CEP250: variants seen among roughly 807,000 people sequenced by gnomAD.
The protein encoded by CEP250 is centrosome-associated protein CEP250.
Under a neutral mutation model 315.7 loss-of-function variants are expected in CEP250, and 242 were observed. The ratio of observed to expected loss-of-function variants is 0.77; its 90% confidence interval spans 0.69 to 0.85. The LOEUF (loss-of-function observed/expected upper bound fraction) is 0.85, where lower values mean the gene tolerates loss of function less well. Among genes scored for constraint, CEP250 ranks in the 40% least tolerant of loss-of-function variants. The pLI is 0.00. For missense variants in CEP250, 2,515 were observed against 2,886.4 expected (o/e 0.87, Z 2.95); for synonymous variants, 1,088 against 1,175.0 (o/e 0.93, Z 1.51).
In CEP250 at chr20:35,476,551, G is replaced by A; in HGVS notation, c.1819G>A (p.Ala607Thr). 2 of 1,613,980 alleles carry A rather than the reference G, an allele frequency of 1.2e-6. No individual in the cohort carries two copies. The change falls in exon 16 of 35, where the codon GCT (alanine) becomes ACT (threonine). Residue 607 changes from alanine to threonine, a missense_variant. Physicochemically the swap from Ala to Thr is moderately conservative, Grantham distance 58. Transcript: ENST00000397527. ...AAVKLSALNE[A>T]LALDKVGLNQ... is the part of the protein sequence containing the mutation. ...TGTCAAGCTCAGTGCCTTAAATGAG[G>A]CTTTGGCGTTAGATAAAGTTGGGCT...
At chr20:35,482,857 G>T (rs748609781) in intron 20 of CEP250, among the ~76,000 whole-genome samples, 9 of 152,230 alleles carry the variant, frequency 5.9e-5, no homozygotes, top group Non-Finnish European at 8.8e-5. Context: ...ACCACGCCTG[G>T]CAATTTCTTG....
chr20:35,494,506 A>G lies in CEP250; in HGVS notation c.3034-18A>G. 2 of 1,613,234 alleles carry G rather than the reference A, an allele frequency of 1.2e-6. No homozygotes were observed. Among genetic ancestry groups the G allele is most frequent in the Non-Finnish European group, 1.7e-6 (2 of 1,179,912 alleles). ...CCCCTGCCCTGCCATCTTGGTCTTCATGCCCTTAATTTTCCAGGTGGAGGA... is the reference window on the plus strand; with the variant it reads ...CCCCTGCCCTGCCATCTTGGTCTTCGTGCCCTTAATTTTCCAGGTGGAGGA... On this transcript the variant is annotated intron_variant, in intron 23 of 34. Transcript: ENST00000397527.
chr20:35,489,521 G>A (rs889086764), intron 20 of CEP250, among the ~76,000 whole-genome samples: 8 of 152,200 alleles, frequency 5.3e-5, no homozygotes, highest in Non-Finnish European at 8.8e-5. Context: ...TTTAATAGAT[G>A]AAGAAACTGA....
chr20:35,501,943 G>A lies in CEP250; in HGVS notation c.3997G>A (p.Glu1333Lys). The A allele has an allele frequency of 6.2e-7, 1 of 1,612,956 alleles. No individual in the cohort carries two copies. Among genetic ancestry groups the A allele is most frequent in the African/African-American group, 1.3e-5 (1 of 75,074 alleles). The change falls in exon 29 of 35, where the codon GAG becomes AAG. Residue 1333 changes from glutamate (E) to lysine (K), a missense_variant. Physicochemically the swap from Glu to Lys is moderately conservative, Grantham distance 56. Transcript: ENST00000397527. Reference protein sequence around the residue: ...ASLQSRLRRAELQRMEAQGER... With the variant: ...ASLQSRLRRAKLQRMEAQGER... The stretch of plus-strand genomic sequence containing the variant: ...CTTACAGAGTCGCCTGCGGAGAGCA[G>A]AGCTACAGCGAATGGAAGCCCAGGT...
At chr20:35,505,652 C>CAAAAAAA (rs57141703) in intron 30 of CEP250, among the ~76,000 whole-genome samples, 2 of 103,162 alleles carry the variant, frequency 1.9e-5, no homozygotes, top group South Asian at 3.4e-4. Flanking sequence ...GACTCCATCT[C>CAAAAAAA]AAAAAAAAAA....
chr20:35,466,901 G>A (rs1162916670), intron 7 of CEP250, 65 bp from the exon 8 acceptor site: 1 of 989,252 alleles, frequency 1.0e-6, no homozygotes, highest in African/African-American at 1.6e-5. Context: ...AGGAATCCAA[G>A]ACTCTTGTGT....
At chr20:35,495,191 AGTGGTTGGAGCCTGATTGGATT>A (rs1311932439) in intron 24 of CEP250, among the ~76,000 whole-genome samples, 5 of 152,214 alleles carry the variant, frequency 3.3e-5, no homozygotes, top group Non-Finnish European at 7.3e-5. Context: ...TAACTGAAAG[AGTGGTTGGAGCCTGATTGGATT>A]GTAATTGGAG....
chr20:35,463,684 T>A, intron 5 of CEP250, 53 bp downstream of exon 5: 1 of 1,467,630 alleles, frequency 6.8e-7, no homozygotes, highest in East Asian at 2.4e-5. Flanking sequence ...AATATACTTG[T>A]TAGGTTTCAT....
intron 1 of CEP250, among the ~76,000 whole-genome samples, chr20:35,457,950 A>G (rs2062668720): frequency 6.6e-6 from 1 of 152,228 alleles, no homozygotes; most frequent in Non-Finnish European, 1.5e-5. Context: ...AGGTTGGAAG[A>G]GAGCAACAGA....
At position 35,477,865 on chromosome 20, in the gene CEP250, C is replaced by G; in HGVS notation, c.1864-6C>G. On this transcript the variant is annotated splice_polypyrimidine_tract_variant and splice_region_variant and intron_variant, in intron 16 of 34. Transcript: ENST00000397527. Reference sequence around the variant, plus strand: ...GCTTGTACTCCCTTCCCTTTTTGGCCAGTAGTTAGAGGAGGAGAACCAGTC... The same window carrying G: ...GCTTGTACTCCCTTCCCTTTTTGGCGAGTAGTTAGAGGAGGAGAACCAGTC... 1 of 1,564,722 alleles carries G rather than the reference C, an allele frequency of 6.4e-7. No homozygotes were observed. Among genetic ancestry groups the G allele is most frequent in the Non-Finnish European group, 8.7e-7 (1 of 1,155,392 alleles).
chr20:35,496,666 G>T lies in CEP250; in HGVS notation c.3257G>T (p.Arg1086Leu), dbSNP rs745957253. 1.2e-6 allele frequency: 2 copies of T among 1,614,060 alleles called. No homozygotes were observed. The highest frequency in any genetic ancestry group is 1.7e-6 in the Non-Finnish European group (2 of 1,179,992). ...CGACAACAAGAGCTGAGTGCCCTGC[G>T]CCAGGACATGCAGGAGGCCCAGGGA... ...SIRQQELSAL[R>L]QDMQEAQGEQ... Residue 1086 changes from arginine (R) to leucine (L), a missense_variant, in exon 25 of 35, where the codon CGC (arginine) becomes CTC (leucine). By Grantham distance (102) the Arg-to-Leu change is moderately radical. Coordinates refer to ENST00000397527, the MANE Select transcript of CEP250 (RefSeq NM_007186.6).
chr20:35,484,579 C>T (rs1303219857), intron 20 of CEP250, among the ~76,000 whole-genome samples: 1 of 151,978 alleles, frequency 6.6e-6, no homozygotes, highest in East Asian at 1.9e-4. Context: ...GCCTTTTCCC[C>T]CTTAAGCTGA....
intron 21 of CEP250, 166 bp downstream of exon 21, chr20:35,490,970 G>A: frequency 1.2e-6 from 1 of 835,386 alleles, no homozygotes; most frequent in Non-Finnish European, 1.9e-6. Flanking sequence ...ATTAGCCACA[G>A]TTCCGGCAGT....
intron 10 of CEP250, among the ~76,000 whole-genome samples, chr20:35,470,807 G>A (rs2063007350): frequency 1.3e-5 from 2 of 152,208 alleles, no homozygotes; most frequent in Admixed American, 1.3e-4. Context: ...CAAAACCAAT[G>A]TCAATAGCTA....
At chr20:35,477,763 C>A in intron 16 of CEP250, 108 bp from the exon 17 acceptor site, 3 of 882,050 alleles carry the variant, frequency 3.4e-6, no homozygotes, top group Non-Finnish European at 5.3e-6. Flanking sequence ...CTTTGTTCAT[C>A]TTTGGAGAAT....
Position 35,465,756 on chromosome 20 carries a change from A to G in CEP250, c.257A>G (p.Gln86Arg), listed in dbSNP as rs116101806. The G allele has an allele frequency of 2.5e-5, 40 of 1,605,288 alleles. No homozygotes were observed. The African/African-American group carries it at 4.5e-4, about 18-fold the overall frequency. Residue 86 changes from glutamine to arginine, a missense_variant, in exon 6 of 35, where the codon CAG (glutamine) becomes CGG (arginine). Physicochemically the swap from Gln to Arg is conservative, Grantham distance 43 (BLOSUM62 1). Coordinates refer to ENST00000397527, the MANE Select transcript of CEP250 (RefSeq NM_007186.6). Reference protein sequence around the residue: ...RLEATGGPIPQRWENVEEPNL... With the variant: ...RLEATGGPIPRRWENVEEPNL... ...TGTCTGGCGCAGGGACCAATCCCCC[A>G]GAGGTGGGAAAATGTGGAGGAGCCA...
At position 35,463,626 on chromosome 20, in the gene CEP250, A is replaced by G; in HGVS notation, c.238A>G (p.Thr80Ala). ...CQELEKRLEA[T>A]GGPIPQRWEN... Reference sequence around the variant, plus strand: ...AGAGCTGGAGAAGCGGCTAGAAGCCACTGGAGTGAGTGAGGCTGAGCTCTC... The same window carrying G: ...AGAGCTGGAGAAGCGGCTAGAAGCCGCTGGAGTGAGTGAGGCTGAGCTCTC... The change falls in exon 5 of 35, where the codon ACT (threonine) becomes GCT (alanine). Residue 80 changes from threonine (T) to alanine (A), a missense_variant. By Grantham distance (58) the Thr-to-Ala change is moderately conservative. Transcript: ENST00000397527. 6.2e-7 allele frequency: 1 copy of G among 1,608,740 alleles called. No individual in the cohort carries two copies. Among genetic ancestry groups the G allele is most frequent in the Non-Finnish European group, 8.5e-7 (1 of 1,177,326 alleles).
intron 10 of CEP250, among the ~76,000 whole-genome samples, chr20:35,471,049 A>T (rs2063013541): frequency 6.6e-6 from 1 of 152,110 alleles, no homozygotes; most frequent in Non-Finnish European, 1.5e-5. Context: ...ATTCATATGT[A>T]CACCCCTAGT....
At chr20:35,484,848 A>G (rs1229542031) in intron 20 of CEP250, among the ~76,000 whole-genome samples, 2 of 152,310 alleles carry the variant, frequency 1.3e-5, no homozygotes, top group Non-Finnish European at 2.9e-5. Flanking sequence ...ATATAAACAA[A>G]TGAGCATGAC....
Sources: gnomAD v4.1 joint callset for allele counts (sites outside exome capture counted in the v4.1 genomes callset) on GRCh38, gnomAD v4.1.1 for gene constraint, MANE v1.5 for transcripts, NCBI Gene and HGNC (gene_info 2026-07-23, HGNC 2026-07-21) for gene names.